The following TWF1 variants were observed in gnomAD, a reference collection of about 807,000 sequenced individuals.
TWF1 encodes the protein twinfilin-1.
In TWF1, 14 loss-of-function variants were observed where a neutral mutation model predicts 47.9. That is an observed-to-expected ratio of 0.29 (90% CI 0.19 to 0.46). The LOEUF is 0.46. Among genes scored for constraint, TWF1 ranks in the 20% least tolerant of loss-of-function variants. The probability of loss-of-function intolerance (pLI) is 1.00; values close to 1 mark genes in which losing one functional copy is unlikely to be tolerated. For missense variants in TWF1, 281 were observed against 409.3 expected, an observed-to-expected ratio of 0.69 and a Z score of 2.70; for synonymous variants, 96 against 139.2, an observed-to-expected ratio of 0.69 and a Z score of 2.18.
At chr12:43,800,170 A>G (rs576248945) in intron 4 of TWF1, among the ~76,000 whole-genome samples, 2 of 152,340 alleles carry the variant, frequency 1.3e-5, no homozygotes, top group Admixed American at 6.5e-5. Context: ...TTGTGTATAT[A>G]TGTGTAAATA....
intron 8 of TWF1, among the ~76,000 whole-genome samples, chr12:43,796,020 T>C (rs1942543470): frequency 6.6e-6 from 1 of 152,170 alleles, no homozygotes; most frequent in East Asian, 1.9e-4. Context: ...ACCACTACAT[T>C]CTCAAGTTGC....
chr12:43,801,819 C>T (rs1942666447), intron 3 of TWF1, among the ~76,000 whole-genome samples: 1 of 152,050 alleles, frequency 6.6e-6, no homozygotes, highest in African/African-American at 2.4e-5. Flanking sequence ...CACTTAAGGC[C>T]ACGAGTTTGA....
rs1942770560 is a variant in TWF1 at position 43,806,251 on chromosome 12, C to G, written c.-6G>C. The G allele has an allele frequency of 2.0e-6, 3 of 1,524,606 alleles. No individual in the cohort carries two copies. The highest frequency in any genetic ancestry group is 2.6e-6 in the Non-Finnish European group (3 of 1,138,872). 94.4% of individuals were successfully genotyped at this position (1,524,606 alleles called of 1,614,324 possible). On this transcript the variant is annotated 5_prime_UTR_variant, in exon 1 of 9. Transcript: ENST00000395510. ...ATGCCGGTCTGGTGGGACATGGCGGCGGCCGCTAGCTCCCGGCTCCGGCGC... is the reference window on the plus strand; with the variant it reads ...ATGCCGGTCTGGTGGGACATGGCGGGGGCCGCTAGCTCCCGGCTCCGGCGC...
chr12:43,795,685 G>A lies in TWF1; in HGVS notation c.953C>T (p.Ala318Val), dbSNP rs1942536885. The A allele has an allele frequency of 6.2e-7, 1 of 1,613,812 alleles. No individual in the cohort carries two copies. The highest frequency in any genetic ancestry group is 1.3e-5 in the African/African-American group (1 of 75,022). ...TGGTTTTGCAAAACTTTGCTTGTGT[G>A]CATGCTGCTTGGGATGTACTTCTTC... is the stretch of plus-strand genomic sequence containing the variant. ...LYEEVHPKQH[A>V]HKQSFAKPKG... The change falls in exon 9 of 9, where the codon GCA becomes GTA. Residue 318 changes from alanine to valine, a missense_variant. Transcript: ENST00000395510.
At chr12:43,798,517 A>C in intron 5 of TWF1, 4 of 1,478,270 alleles carry the variant, frequency 2.7e-6, no homozygotes, top group Non-Finnish European at 2.7e-6. Context: ...CTACAGCATA[A>C]ATGATATTGG....
In TWF1 at chr12:43,804,474, AT is replaced by A. The variant is rs1223164775; in HGVS notation, c.103+20del. On this transcript the variant is annotated intron_variant, in intron 2 of 8. Coordinates refer to ENST00000395510, the MANE Select transcript of TWF1 (RefSeq NM_002822.5). ...AGCCACTAATCCAGGAACAGAAAAT[AT>A]TTTAAAATATTTAACTAACCATTTT... 1 of 1,470,336 alleles carries A rather than the reference AT, an allele frequency of 6.8e-7. No homozygotes were observed. The highest frequency in any genetic ancestry group is 1.4e-5 in the African/African-American group (1 of 71,238). 91.1% of individuals were successfully genotyped at this position (1,470,336 alleles called of 1,614,324 possible). A position where few individuals can be genotyped will look rare whatever the true frequency, so the allele number is the denominator to read the frequency against.
chr12:43,803,161 A>T (rs1368312129), intron 2 of TWF1, among the ~76,000 whole-genome samples: 1 of 152,196 alleles, frequency 6.6e-6, no homozygotes, highest in Non-Finnish European at 1.5e-5. Context: ...TCAGATTTAA[A>T]ATGAATTATT....
At chr12:43,795,898 CT>C (rs1049031304) in intron 8 of TWF1, 143 bp from the exon 9 acceptor site, 3 of 720,608 alleles carry the variant, frequency 4.2e-6, no homozygotes, top group African/African-American at 1.8e-5. Flanking sequence ...TCACTTTCTT[CT>C]TTTGGGGGAA....
intron 2 of TWF1, 99 bp from the exon 3 acceptor site, chr12:43,802,563 T>C (rs1942681018): frequency 1.1e-6 from 1 of 889,646 alleles, no homozygotes; most frequent in Non-Finnish European, 1.8e-6. Context: ...CATTTCCCAG[T>C]TACTATTATT....
intron 3 of TWF1, among the ~76,000 whole-genome samples, chr12:43,801,311 G>C (rs1453152868): frequency 6.6e-6 from 1 of 152,090 alleles, no homozygotes; most frequent in African/African-American, 2.4e-5. Context: ...TCTATGGAAA[G>C]CTACTAAAGA....
intron 5 of TWF1, among the ~76,000 whole-genome samples, 198 bp downstream of exon 5, chr12:43,799,200 C>T (rs1050549542): frequency 2.0e-5 from 3 of 152,048 alleles, no homozygotes; most frequent in African/African-American, 7.2e-5. Flanking sequence ...TTATAAAATG[C>T]ATATAAAGTT....
In TWF1 at chr12:43,806,225, G is replaced by C. The variant is rs1942769696; in HGVS notation, c.21C>G (p.Ile7Met). The stretch of plus-strand genomic sequence containing the variant: ...AGTCGCGCCGGGCGCTGTTACCTTG[G>C]ATGCCGGTCTGGTGGGACATGGCGG... MSHQTG[I>M]QASEDVKEIF... The change falls in exon 1 of 9, where the codon ATC becomes ATG. Residue 7 changes from isoleucine (I) to methionine (M), a missense_variant. Coordinates refer to ENST00000395510, the MANE Select transcript of TWF1 (RefSeq NM_002822.5). The C allele has an allele frequency of 1.9e-6, 3 of 1,540,534 alleles. No homozygotes were observed. The highest frequency in any genetic ancestry group is 2.6e-6 in the Non-Finnish European group (3 of 1,144,546).
At chr12:43,798,956 A>C (rs1325132245) in intron 5 of TWF1, among the ~76,000 whole-genome samples, 1 of 152,098 alleles carries the variant, frequency 6.6e-6, no homozygotes, top group Admixed American at 6.5e-5. Context: ...CTCAAATAAT[A>C]ATCTTCCATA....
At chr12:43,805,258 G>C (rs1220939557) in intron 1 of TWF1, among the ~76,000 whole-genome samples, 1 of 152,162 alleles carries the variant, frequency 6.6e-6, no homozygotes, top group Non-Finnish European at 1.5e-5. Context: ...TCAAGCATGA[G>C]AGTCAATAAC....
chr12:43,804,107 T>C, intron 2 of TWF1: 1 of 314,608 alleles, frequency 3.2e-6, no homozygotes. Context: ...TTGATATCCT[T>C]TGTTTATATT....
chr12:43,805,228 G>A (rs1191249218), intron 1 of TWF1, among the ~76,000 whole-genome samples: 5 of 152,184 alleles, frequency 3.3e-5, no homozygotes, highest in Non-Finnish European at 7.3e-5. Context: ...TATGTAAGTA[G>A]GTAGTGCTTG....
At position 43,794,743 on chromosome 12, in the gene TWF1, G is replaced by A. The variant is rs1270824167; in HGVS notation, c.*842C>T. ...GACTTTAAAGTAATTTTAAATCTGA[G>A]TATTTGCTCGGAAGTGATAAAGAAC... is the stretch of plus-strand genomic sequence containing the variant. On this transcript the variant is annotated 3_prime_UTR_variant, in exon 9 of 9. Coordinates refer to ENST00000395510, the MANE Select transcript of TWF1 (RefSeq NM_002822.5). 1 of 152,384 alleles carries A rather than the reference G, an allele frequency of 6.6e-6. No individual in the cohort carries two copies. The highest frequency in any genetic ancestry group is 1.9e-4 in the East Asian group (1 of 5,206). The allele number at this position is 152,384 out of a possible 1,614,324, so 9.4% of individuals were successfully genotyped here.
chr12:43,804,539 G>A lies in TWF1; in HGVS notation c.59C>T (p.Ala20Val). 6.2e-7 allele frequency: 1 copy of A among 1,602,602 alleles called. No individual in the cohort carries two copies. The highest frequency in any genetic ancestry group is 2.2e-5 in the East Asian group (1 of 44,486). Residue 20 changes from alanine to valine, a missense_variant, in exon 2 of 9, where the codon GCC (alanine) becomes GTC (valine). Ala to Val is a moderately conservative substitution (Grantham distance 64). Transcript: ENST00000395510. ...SEDVKEIFAR[A>V]RNGKYRLLKI... ...CAGAAGTCTGTACTTTCCATTTCTG[G>A]CTCTGGCAAAGATCTCTTTAACATC... is the stretch of plus-strand genomic sequence containing the variant.
intron 4 of TWF1, 86 bp from the exon 5 acceptor site, chr12:43,799,588 C>A: frequency 1.6e-6 from 1 of 623,212 alleles, no homozygotes; most frequent in Non-Finnish European, 2.6e-6. Flanking sequence ...AAATCATTAA[C>A]AGAAAAGATT....
Sources: gnomAD v4.1 joint callset for allele counts (sites outside exome capture counted in the v4.1 genomes callset) on GRCh38, gnomAD v4.1.1 for gene constraint, MANE v1.5 for transcripts, NCBI Gene and HGNC (gene_info 2026-07-23, HGNC 2026-07-21) for gene names.